The following OGA variants were observed in gnomAD, a reference collection of about 807,000 sequenced individuals.
OGA encodes O-GlcNAcase, also known as protein O-GlcNAcase.
OGA carries 21 observed loss-of-function variants against 102.0 expected under a neutral mutation model. The ratio of observed to expected loss-of-function variants is 0.21; its 90% CI spans 0.15 to 0.30. The LOEUF (loss-of-function observed/expected upper bound fraction) is 0.30. OGA is among the 10% of genes least tolerant of loss of function. OGA has a pLI of 1.00. For synonymous variants in OGA, 408 were observed against 378.2 expected, an observed-to-expected ratio of 1.08 and a Z score of -0.91; for missense variants, 765 against 1,107.8, an observed-to-expected ratio of 0.69 and a Z score of 4.39.
At chr10:101,801,600 T>C (rs1052620856) in intron 7 of OGA, among the ~76,000 whole-genome samples, 1 of 152,212 alleles carries the variant, frequency 6.6e-6, no homozygotes, top group Non-Finnish European at 1.5e-5. Flanking sequence ...AGTATGTTCC[T>C]TGCTGTGCCT....
chr10:101,803,760 A>C lies in OGA; in HGVS notation c.1011T>G (p.Asn337Lys). Reference protein sequence around the residue: ...TLATWYKSNMNGVRKDVVMTD... With the variant: ...TLATWYKSNMKGVRKDVVMTD... ...TCATCACTACATCTTTTCTCACTCC[A>C]TTCATGTTTGATTTGTACCAGGTGG... Residue 337 changes from asparagine (N) to lysine (K), a missense_variant, in exon 7 of 16, where the codon AAT (asparagine) becomes AAG (lysine). By Grantham distance (94) the Asn-to-Lys change is moderately conservative. This residue lies in a region of OGA where 33 missense variants were observed against 52.5 expected (regional missense o/e 0.63). Transcript: ENST00000361464. The C allele has an allele frequency of 6.2e-7, 1 of 1,614,126 alleles. No individual in the cohort carries two copies. Among genetic ancestry groups the C allele is most frequent in the Non-Finnish European group, 8.5e-7 (1 of 1,179,980 alleles).
chr10:101,802,296 C>A (rs148687121), intron 7 of OGA, among the ~76,000 whole-genome samples: 143 of 152,344 alleles, frequency 9.4e-4, no homozygotes, highest in Non-Finnish European at 1.9e-4. Flanking sequence ...GTTCACACAG[C>A]ACTTTATAAA....
At chr10:101,808,031 T>C (rs918419357) in intron 4 of OGA, 130 bp from the exon 5 acceptor site, 57 of 821,810 alleles carry the variant, frequency 6.9e-5, no homozygotes, top group Non-Finnish European at 9.1e-5. Flanking sequence ...TTATTGTTTT[T>C]ACATTTTCAA....
chr10:101,797,036 T>C (rs1564642575), intron 10 of OGA: 1 of 152,106 alleles, frequency 6.6e-6, no homozygotes, highest in African/African-American at 2.4e-5. Flanking sequence ...AACTTTTTTT[T>C]TTTTTTTTTA....
chr10:101,817,872 C>A lies in OGA; in HGVS notation c.151G>T (p.Ala51Ser), dbSNP rs35402016. ...NPAGAGGAAV[A>S]GAAGGARRFL... Reference sequence around the variant, plus strand: ...CGCCGAGCCCCTCCTGCAGCCCCGGCCACCGCCGCTCCCCCAGCCCCGGCG... The same window carrying A: ...CGCCGAGCCCCTCCTGCAGCCCCGGACACCGCCGCTCCCCCAGCCCCGGCG... The change falls in exon 1 of 16, where the codon GCC becomes TCC. Residue 51 changes from alanine to serine, a missense_variant. Around this residue, in one of 7 missense-constraint regions of OGA, gnomAD observed 117 missense variants for 85.7 expected, o/e 1.36. Coordinates refer to ENST00000361464, the MANE Select transcript of OGA (RefSeq NM_012215.5). The A allele has an allele frequency of 3.9e-6, 6 of 1,548,544 alleles. No individual in the cohort carries two copies. In the Middle Eastern group the frequency reaches 6.8e-4, roughly 175 times the overall value.
Position 101,798,034 on chromosome 10 carries a change from C to T in OGA, c.1930G>A (p.Val644Ile). ...GACATTATACTCTTGATATCCCAAACATAGGAGTACATGTCATAAAGAATT... is the reference window on the plus strand; with the variant it reads ...GACATTATACTCTTGATATCCCAAATATAGGAGTACATGTCATAAAGAATT... The part of the protein sequence containing the change: ...RTILYDMYSY[V>I]WDIKSIMSMV... The change falls in exon 10 of 16, where the codon GTT becomes ATT. Residue 644 changes from valine to isoleucine, a missense_variant. Around this residue, in one of 7 missense-constraint regions of OGA, gnomAD observed 281 missense variants for 345.8 expected, o/e 0.81. Transcript: ENST00000361464. 1 of 1,613,994 alleles carries T rather than the reference C, an allele frequency of 6.2e-7. No homozygotes were observed. The highest frequency in any genetic ancestry group is 8.5e-7 in the Non-Finnish European group (1 of 1,179,900).
At chr10:101,799,490 C>T in intron 8 of OGA, 35 bp from the exon 9 acceptor site, 2 of 1,566,560 alleles carry the variant, frequency 1.3e-6, no homozygotes, top group South Asian at 1.2e-5. Context: ...ATAAAATGGT[C>T]ACACAGATAA....
chr10:101,797,408 A>T (rs2065329855), intron 10 of OGA: 1 of 152,588 alleles, frequency 6.6e-6, no homozygotes, highest in Non-Finnish European at 1.5e-5. Flanking sequence ...TGTTTAGGGG[A>T]TTACAATTTC....
At chr10:101,795,722 GTCCAA>G (rs1357411090) in intron 10 of OGA, 2 of 166,136 alleles carry the variant, frequency 1.2e-5, no homozygotes, top group African/African-American at 4.8e-5. Context: ...TACAAGGGGT[GTCCAA>G]TCTTTTGGCT....
intron 1 of OGA, among the ~76,000 whole-genome samples, chr10:101,815,963 G>GAA (rs1364147466): frequency 4.4e-5 from 2 of 44,982 alleles, no homozygotes; most frequent in Non-Finnish European, 9.2e-5. Context: ...CAAAAAGAGA[G>GAA]AAAAAAAAAA....
intron 14 of OGA, among the ~76,000 whole-genome samples, chr10:101,790,270 T>G (rs994544379): frequency 1.7e-4 from 15 of 86,168 alleles, no homozygotes; most frequent in Admixed American, 8.0e-4. Flanking sequence ...ATCTTGTTTT[T>G]TTTTTTTTTT....
chr10:101,799,963 C>A (rs747138984), intron 8 of OGA, among the ~76,000 whole-genome samples: 32 of 152,278 alleles, frequency 2.1e-4, no homozygotes, highest in Non-Finnish European at 3.5e-4. Context: ...ACCTCTGCCT[C>A]CCAGGTTGAG....
chr10:101,792,699 C>A, intron 12 of OGA, 140 bp downstream of exon 12: 1 of 607,952 alleles, frequency 1.6e-6, no homozygotes, highest in Non-Finnish European at 2.9e-6. Context: ...TCAAGATACA[C>A]TGAATGTTTT....
At chr10:101,796,727 C>A (rs989473283) in intron 10 of OGA, among the ~76,000 whole-genome samples, 2 of 152,060 alleles carry the variant, frequency 1.3e-5, no homozygotes, top group African/African-American at 4.8e-5. Context: ...TGCGCCACCA[C>A]GCCTGGCTAA....
Position 101,784,699 on chromosome 10 carries a change from T to TA in OGA, c.*1751dup, listed in dbSNP as rs1256343234. On this transcript the variant is annotated 3_prime_UTR_variant, in exon 16 of 16. Coordinates refer to ENST00000361464, the MANE Select transcript of OGA (RefSeq NM_012215.5). ...AAGATAAAACCAAAAGCAAACTTGCTAAAAAATCCTGAATTCCATGAGGTT... is the reference window on the plus strand; with the variant it reads ...AAGATAAAACCAAAAGCAAACTTGCTAAAAAAATCCTGAATTCCATGAGGTT... The TA allele has an allele frequency of 6.6e-6, 1 of 152,136 alleles. No individual in the cohort carries two copies. Among genetic ancestry groups the TA allele is most frequent in the Admixed American group, 6.5e-5 (1 of 15,280 alleles). The allele number at this position is 152,136 out of a possible 1,614,324, so 9.4% of individuals were successfully genotyped here.
intron 14 of OGA, among the ~76,000 whole-genome samples, chr10:101,790,585 A>G (rs1281406607): frequency 6.6e-6 from 1 of 152,126 alleles, no homozygotes; most frequent in Non-Finnish European, 1.5e-5. Flanking sequence ...CCAAGACCAT[A>G]ACATCTTTAA....
intron 12 of OGA, 114 bp from the exon 13 acceptor site, chr10:101,791,553 C>CT: frequency 1.4e-6 from 1 of 713,370 alleles, no homozygotes; most frequent in Non-Finnish European, 2.4e-6. Context: ...TCAGAAACAT[C>CT]TATCAGAAAT....
chr10:101,805,887 G>A (rs567163332), intron 6 of OGA, among the ~76,000 whole-genome samples, 158 bp downstream of exon 6: 42 of 152,020 alleles, frequency 2.8e-4, no homozygotes, highest in South Asian at 1.0e-3. Context: ...CCTGGGAGGC[G>A]GAGCGTGCAG....
At chr10:101,796,343 C>T (rs1010054132) in intron 10 of OGA, among the ~76,000 whole-genome samples, 2 of 152,056 alleles carry the variant, frequency 1.3e-5, no homozygotes, top group Admixed American at 6.6e-5. Flanking sequence ...CTCACTGCAA[C>T]CTCCACCTCC....
Sources: allele counts gnomAD v4.1 joint callset (sites outside exome capture counted in the v4.1 genomes callset), GRCh38; gene constraint gnomAD v4.1.1; regional missense constraint gnomAD v4.1.1; transcripts MANE v1.5; gene names NCBI Gene and HGNC (gene_info 2026-07-23, HGNC 2026-07-21).